Variants in AP5M1 observed in about 807,000 individuals in gnomAD.
AP5M1 encodes adaptor related protein complex 5 subunit mu 1.
Under a neutral mutation model 52.3 loss-of-function variants are expected in AP5M1, and 44 were observed. The observed-to-expected ratio is 0.84, with a 90% confidence interval of 0.66 to 1.08. The LOEUF is 1.08. Among genes scored for constraint, AP5M1 ranks in the 50% least tolerant of loss-of-function variants. The pLI, the probability that AP5M1 is intolerant of heterozygous loss-of-function variation, is 0.00. For synonymous variants in AP5M1, 213 were observed against 199.0 expected, an observed-to-expected ratio of 1.07 and a Z score of -0.59; for missense variants, 526 against 568.4, an observed-to-expected ratio of 0.93 and a Z score of 0.76.
At chr14:57,271,770 T>C (rs1259629743) in intron 1 of AP5M1, among the ~76,000 whole-genome samples, 16 of 152,348 alleles carry the variant, frequency 1.1e-4, no homozygotes, top group African/African-American at 3.8e-4. Context: ...TGTCTTCTCT[T>C]TATAATTTCA....
chr14:57,298,255 G>A lies in AP5M1; in HGVS notation c.*9371G>A, dbSNP rs550791908. The stretch of plus-strand genomic sequence containing the variant: ...ATCCTATAAAGCCACAGCTTTCAGC[G>A]GTCCCCGTATACTAATGAAATGGAG... On this transcript the variant is annotated 3_prime_UTR_variant, in exon 8 of 8. Transcript: ENST00000261558. The A allele has an allele frequency of 1.9e-3, 289 of 152,198 alleles. No individual in the cohort carries two copies. Among genetic ancestry groups the A allele is most frequent in the African/African-American group, 6.2e-3 (259 of 41,526 alleles). 9.4% of individuals were successfully genotyped at this position (152,198 alleles called of 1,614,324 possible). A position where few individuals can be genotyped will look rare whatever the true frequency, so the allele number is the denominator to read the frequency against.
At position 57,269,030 on chromosome 14, in the gene AP5M1, A is replaced by C; in HGVS notation, c.-285A>C. The C allele has an allele frequency of 1.8e-6, 1 of 551,582 alleles. No individual in the cohort carries two copies. The highest frequency in any genetic ancestry group is 3.2e-6 in the Non-Finnish European group (1 of 316,318). 34.2% of individuals were successfully genotyped at this position (551,582 alleles called of 1,614,324 possible). A position where few individuals can be genotyped will look rare whatever the true frequency, so the allele number is the denominator to read the frequency against. On this transcript the variant is annotated 5_prime_UTR_variant, in exon 1 of 8. The change abolishes the stop of an existing upstream ORF in the 5' untranslated region. Coordinates refer to ENST00000261558, the MANE Select transcript of AP5M1 (RefSeq NM_018229.4). ...CCTTGCGGGCCACCATTCCGGAAGT[A>C]GAATTTAGAGGAAGAAAATACCGGA...
At chr14:57,271,765 T>C (rs1350886052) in intron 1 of AP5M1, among the ~76,000 whole-genome samples, 1 of 152,254 alleles carries the variant, frequency 6.6e-6, no homozygotes, top group African/African-American at 2.4e-5. Flanking sequence ...TACATTGTCT[T>C]CTCTTTATAA....
rs188017731 is a variant in AP5M1, at chr14:57,298,453, G to A, written c.*9569G>A. 6 of 152,258 alleles carry A rather than the reference G, an allele frequency of 3.9e-5. No individual in the cohort carries two copies. The East Asian group carries it at 1.2e-3, about 29-fold the overall frequency. The allele number at this position is 152,258 out of a possible 1,614,324, so 9.4% of individuals were successfully genotyped here. ...CTGGATAAATTACTTAACCTCTGTG[G>A]TCTTCAGTTTCCTCCCAACTTTGTA... On this transcript the variant is annotated 3_prime_UTR_variant, in exon 8 of 8. Transcript: ENST00000261558.
At chr14:57,284,651 A>T (rs995228525) in intron 6 of AP5M1, among the ~76,000 whole-genome samples, 17 of 152,188 alleles carry the variant, frequency 1.1e-4, no homozygotes, top group Non-Finnish European at 1.9e-4. Context: ...AAATACAGAG[A>T]CAAGGAATGG....
At position 57,290,875 on chromosome 14, in the gene AP5M1, T is replaced by C. The variant is rs887076887; in HGVS notation, c.*1991T>C. On this transcript the variant is annotated 3_prime_UTR_variant, in exon 8 of 8. Coordinates refer to ENST00000261558, the MANE Select transcript of AP5M1 (RefSeq NM_018229.4). The stretch of plus-strand genomic sequence containing the variant: ...GTTTGGTAGGTGACCTGTTTAATGT[T>C]TTCCCTGTGTCTGGGAACTCCTTAG... The C allele has an allele frequency of 6.6e-6, 1 of 151,972 alleles. No homozygotes were observed. The highest frequency in any genetic ancestry group is 2.4e-5 in the African/African-American group (1 of 41,428). 9.4% of individuals were successfully genotyped at this position (151,972 alleles called of 1,614,324 possible). A position where few individuals can be genotyped will look rare whatever the true frequency, so the allele number is the denominator to read the frequency against.
In AP5M1 at chr14:57,294,071, G is replaced by T. The variant is rs1176470181; in HGVS notation, c.*5187G>T. On this transcript the variant is annotated 3_prime_UTR_variant, in exon 8 of 8. Coordinates refer to ENST00000261558, the MANE Select transcript of AP5M1 (RefSeq NM_018229.4). Reference sequence around the variant, plus strand: ...TTGTGTATAGCCTGGAACAATACAAGGCTGTATCTGTATCACTAGCTTCTT... The same window carrying T: ...TTGTGTATAGCCTGGAACAATACAATGCTGTATCTGTATCACTAGCTTCTT... The T allele has an allele frequency of 1.3e-5, 2 of 151,776 alleles. No individual in the cohort carries two copies. Among genetic ancestry groups the T allele is most frequent in the African/African-American group, 2.4e-5 (1 of 41,386 alleles). 9.4% of individuals were successfully genotyped at this position (151,776 alleles called of 1,614,324 possible).
intron 1 of AP5M1, 103 bp from the exon 2 acceptor site, chr14:57,274,141 T>G (rs1217307017): frequency 2.4e-6 from 3 of 1,270,666 alleles, no homozygotes; most frequent in Non-Finnish European, 3.2e-6. Flanking sequence ...GTGTATTTTA[T>G]TGTTATTACT....
intron 1 of AP5M1, 85 bp downstream of exon 1, chr14:57,269,473 T>C (rs949798357): frequency 4.4e-6 from 6 of 1,360,810 alleles, no homozygotes; most frequent in South Asian, 3.6e-5. Flanking sequence ...TGGCCCAGGT[T>C]TGCCACGAAT....
chr14:57,281,090 T>C (rs1418718638), intron 3 of AP5M1, among the ~76,000 whole-genome samples: 2 of 152,144 alleles, frequency 1.3e-5, no homozygotes, highest in Non-Finnish European at 2.9e-5. Flanking sequence ...TAGCTATTTA[T>C]TGTTTATTGA....
rs1275922876 is a variant in AP5M1, at chr14:57,296,123, A to G, written c.*7239A>G. On this transcript the variant is annotated 3_prime_UTR_variant, in exon 8 of 8. Coordinates refer to ENST00000261558, the MANE Select transcript of AP5M1 (RefSeq NM_018229.4). ...TTTAGCCTTTACCTTTCTAAAATGA[A>G]CAATTTAAATCACTCTTACACTTTA... 6.6e-6 allele frequency: 1 copy of G among 152,038 alleles called. No individual in the cohort carries two copies. Among genetic ancestry groups the G allele is most frequent in the Admixed American group, 6.6e-5 (1 of 15,216 alleles). The allele number at this position is 152,038 out of a possible 1,614,324, so 9.4% of individuals were successfully genotyped here.
chr14:57,276,318 G>A (rs1734187073), intron 2 of AP5M1, among the ~76,000 whole-genome samples: 1 of 152,182 alleles, frequency 6.6e-6, no homozygotes, highest in Admixed American at 6.5e-5. Flanking sequence ...GCTCACTCCT[G>A]TAATCCCAGC....
rs1455508143 is a variant in AP5M1, at chr14:57,292,553, T to C, written c.*3669T>C. 1 of 151,844 alleles carries C rather than the reference T, an allele frequency of 6.6e-6. No individual in the cohort carries two copies. Among genetic ancestry groups the C allele is most frequent in the Non-Finnish European group, 1.5e-5 (1 of 67,822 alleles). 9.4% of individuals were successfully genotyped at this position (151,844 alleles called of 1,614,324 possible). Reference sequence around the variant, plus strand: ...TCTTACGTAATAGAACAAACATTTCTTTTTGCTTCGCCTAACAATGATATT... The same window carrying C: ...TCTTACGTAATAGAACAAACATTTCCTTTTGCTTCGCCTAACAATGATATT... On this transcript the variant is annotated 3_prime_UTR_variant, in exon 8 of 8. Coordinates refer to ENST00000261558, the MANE Select transcript of AP5M1 (RefSeq NM_018229.4).
At position 57,293,136 on chromosome 14, in the gene AP5M1, G is replaced by T. The variant is rs893633089; in HGVS notation, c.*4252G>T. The T allele has an allele frequency of 5.3e-5, 8 of 151,414 alleles. No homozygotes were observed. Among genetic ancestry groups the T allele is most frequent in the Non-Finnish European group, 8.9e-5 (6 of 67,684 alleles). The allele number at this position is 151,414 out of a possible 1,614,324, so 9.4% of individuals were successfully genotyped here. On this transcript the variant is annotated 3_prime_UTR_variant, in exon 8 of 8. Coordinates refer to ENST00000261558, the MANE Select transcript of AP5M1 (RefSeq NM_018229.4). Reference sequence around the variant, plus strand: ...AAGAAAAGGTAATGTTTCATGGTAGGTTTCTCAATTTGCTGTTTAAAACTG... The same window carrying T: ...AAGAAAAGGTAATGTTTCATGGTAGTTTTCTCAATTTGCTGTTTAAAACTG...
At position 57,288,785 on chromosome 14, in the gene AP5M1, C is replaced by A; in HGVS notation, c.1391-17C>A. On this transcript the variant is annotated splice_polypyrimidine_tract_variant and intron_variant, in intron 7 of 7. Transcript: ENST00000261558. ...GCTGAAATAGTCTTATCATTAATTT[C>A]TTTTTCTTTTCTTTAGACCGGAAAC... is the stretch of plus-strand genomic sequence containing the variant. 2 of 1,506,148 alleles carry A rather than the reference C, an allele frequency of 1.3e-6. No homozygotes were observed. Among genetic ancestry groups the A allele is most frequent in the Non-Finnish European group, 1.8e-6 (2 of 1,092,626 alleles). The allele number at this position is 1,506,148 out of a possible 1,614,324, so 93.3% of individuals were successfully genotyped here.
At chr14:57,275,399 G>A (rs1426121849) in intron 2 of AP5M1, 2 of 142,416 alleles carry the variant, frequency 1.4e-5, no homozygotes, top group Admixed American at 6.9e-5. Context: ...ATGAGAGAGG[G>A]GTGGGGGGGG....
In AP5M1 at chr14:57,282,936, G is replaced by A. The variant is rs773478793; in HGVS notation, c.1091G>A (p.Gly364Asp). 3.8e-6 allele frequency: 6 copies of A among 1,567,912 alleles called. No homozygotes were observed. In the South Asian group the frequency reaches 7.1e-5, roughly 19 times the overall value. The change falls in exon 5 of 8, where the codon GGT becomes GAT. Residue 364 changes from glycine to aspartate, a missense_variant and splice_region_variant. Physicochemically the swap from Gly to Asp is moderately conservative, Grantham distance 94. Around this residue, in one of 3 missense-constraint regions of AP5M1, gnomAD observed 425 missense variants for 430.6 expected, o/e 0.99. Coordinates refer to ENST00000261558, the MANE Select transcript of AP5M1 (RefSeq NM_018229.4). The part of the protein sequence containing the change: ...CEAHIPFYNR[G>D]PITHLEYKTS... ...ATTTTATCCTTTTCTTTTTAAAGAG[G>A]TCCAATTACACATTTGGAATACAAA...
rs1478746574 is a variant in AP5M1, at chr14:57,294,364, T to C, written c.*5480T>C. The C allele has an allele frequency of 6.6e-6, 1 of 151,910 alleles. No homozygotes were observed. The highest frequency in any genetic ancestry group is 2.4e-5 in the African/African-American group (1 of 41,418). 9.4% of individuals were successfully genotyped at this position (151,910 alleles called of 1,614,324 possible). The stretch of plus-strand genomic sequence containing the variant: ...TATTTTATGTTTATAAATTTTGTTA[T>C]GAAAAATTTAAAAATTAGTTATTCC... On this transcript the variant is annotated 3_prime_UTR_variant, in exon 8 of 8. Transcript: ENST00000261558.
Position 57,292,548 on chromosome 14 carries a change from A to G in AP5M1, c.*3664A>G, listed in dbSNP as rs538513171. 1.3e-5 allele frequency: 2 copies of G among 151,870 alleles called. No homozygotes were observed. Among genetic ancestry groups the G allele is most frequent in the African/African-American group, 4.8e-5 (2 of 41,414 alleles). 9.4% of individuals were successfully genotyped at this position (151,870 alleles called of 1,614,324 possible). A position where few individuals can be genotyped will look rare whatever the true frequency, so the allele number is the denominator to read the frequency against. On this transcript the variant is annotated 3_prime_UTR_variant, in exon 8 of 8. Coordinates refer to ENST00000261558, the MANE Select transcript of AP5M1 (RefSeq NM_018229.4). ...TTATTTCTTACGTAATAGAACAAACATTTCTTTTTGCTTCGCCTAACAATG... is the reference window on the plus strand; with the variant it reads ...TTATTTCTTACGTAATAGAACAAACGTTTCTTTTTGCTTCGCCTAACAATG...
Sources: allele counts gnomAD v4.1 joint callset (sites outside exome capture counted in the v4.1 genomes callset), GRCh38; gene constraint gnomAD v4.1.1; regional missense constraint gnomAD v4.1.1; transcripts MANE v1.5; gene names NCBI Gene and HGNC (gene_info 2026-07-23, HGNC 2026-07-21).